APP: variants seen among roughly 807,000 people sequenced by gnomAD.
APP encodes the protein amyloid beta precursor protein.
In APP, 31 loss-of-function variants were observed where a neutral mutation model predicts 101.4. The observed-to-expected ratio is 0.31, with a 90% CI of 0.23 to 0.41. The LOEUF is 0.41. APP is among the 10% of genes least tolerant of loss of function. The pLI is 1.00. For synonymous variants in APP, 366 were observed against 364.4 expected, an observed-to-expected ratio of 1.00 and a Z score of -0.05; for missense variants, 839 against 1,003.7, an observed-to-expected ratio of 0.84 and a Z score of 2.22.
At chr21:25,960,292 A>G (rs376513414) in intron 11 of APP, among the ~76,000 whole-genome samples, 2 of 152,110 alleles carry the variant, frequency 1.3e-5, no homozygotes, top group African/African-American at 4.8e-5. Flanking sequence ...TGCTGGGGTG[A>G]TTACTCTTAT....
intron 1 of APP, among the ~76,000 whole-genome samples, chr21:26,161,856 C>CTAAG (rs2063497446): frequency 6.6e-6 from 1 of 151,916 alleles, no homozygotes; most frequent in African/African-American, 2.4e-5. Flanking sequence ...AAGACTTAAG[C>CTAAG]TAAGACTTCA....
intron 14 of APP, 35 bp downstream of exon 14, chr21:25,911,706 C>A (rs760049469): frequency 6.3e-7 from 1 of 1,590,884 alleles, no homozygotes; most frequent in Non-Finnish European, 8.6e-7. Context: ...ATATATACCT[C>A]CCAGAACGCC....
At chr21:25,996,708 A>C (rs1368101285) in intron 8 of APP, among the ~76,000 whole-genome samples, 1 of 152,202 alleles carries the variant, frequency 6.6e-6, no homozygotes, top group Non-Finnish European at 1.5e-5. Flanking sequence ...CCTCATCAGG[A>C]GATCACCTCA....
chr21:25,936,284 G>GT (rs11407443), intron 13 of APP, among the ~76,000 whole-genome samples: 152,330 of 152,338 alleles, frequency 1, 76,161 homozygotes, highest in Middle Eastern at 1. Flanking sequence ...GCCGGGTGCG[G>GT]GGCTCACGCC....
chr21:25,964,452 G>A (rs192809421), intron 11 of APP, among the ~76,000 whole-genome samples: 3 of 152,184 alleles, frequency 2.0e-5, no homozygotes, highest in East Asian at 3.9e-4. Context: ...ATTTGCAGAC[G>A]GAATAGGAGG....
intron 5 of APP, among the ~76,000 whole-genome samples, chr21:26,023,358 T>C (rs371766204): frequency 5.6e-5 from 8 of 141,740 alleles, no homozygotes; most frequent in African/African-American, 1.6e-4. Context: ...GGTGAGACCC[T>C]GTCTCCAAAA....
intron 1 of APP, among the ~76,000 whole-genome samples, chr21:26,144,560 A>T (rs2063116320): frequency 6.6e-6 from 1 of 152,208 alleles, no homozygotes; most frequent in Non-Finnish European, 1.5e-5. Context: ...GGCTACACTC[A>T]ATCTTAAATT....
chr21:26,166,930 GT>G (rs1475888848), intron 1 of APP, among the ~76,000 whole-genome samples: 737 of 54,020 alleles, frequency 0.014, 8 homozygotes, highest in African/African-American at 0.11. Flanking sequence ...GACAGAGGGT[GT>G]GTGTGTGTGT....
chr21:26,102,744 A>G (rs775017799), intron 2 of APP, among the ~76,000 whole-genome samples: 4 of 151,734 alleles, frequency 2.6e-5, no homozygotes, highest in Admixed American at 2.6e-4. Context: ...TACAAAAATT[A>G]TCTGAGAATG....
chr21:26,142,921 C>A (rs2830089), intron 1 of APP, among the ~76,000 whole-genome samples: 1 of 151,968 alleles, frequency 6.6e-6, no homozygotes, highest in African/African-American at 2.4e-5. Context: ...AAAAGATGTC[C>A]AATTTTTAAA....
intron 2 of APP, among the ~76,000 whole-genome samples, chr21:26,100,330 T>C (rs1242738979): frequency 2.0e-5 from 3 of 152,184 alleles, no homozygotes. Flanking sequence ...ATTCAAAAAC[T>C]GTCTCACTCA....
chr21:25,914,445 C>T (rs1187898077), intron 13 of APP, among the ~76,000 whole-genome samples: 2 of 151,764 alleles, frequency 1.3e-5, no homozygotes, highest in African/African-American at 2.4e-5. Context: ...GAATGGACTA[C>T]TGCCTTCTAA....
chr21:25,980,333 G>A (rs1022750582), intron 9 of APP, among the ~76,000 whole-genome samples: 11 of 152,344 alleles, frequency 7.2e-5, no homozygotes, highest in Admixed American at 6.5e-4. Flanking sequence ...GGAAGCCTCT[G>A]AAAGCTTCAT....
intron 11 of APP, among the ~76,000 whole-genome samples, chr21:25,972,796 T>C (rs966088055): frequency 2.0e-5 from 3 of 151,488 alleles, no homozygotes; most frequent in Non-Finnish European, 2.9e-5. Context: ...GATGACTTCA[T>C]GGGTAAACAT....
intron 1 of APP, among the ~76,000 whole-genome samples, chr21:26,138,756 G>A (rs763370685): frequency 3.3e-5 from 5 of 152,058 alleles, no homozygotes; most frequent in Non-Finnish European, 7.4e-5. Flanking sequence ...TATTCTGTTG[G>A]TGGATAGTTT....
At chr21:26,059,886 G>A (rs1356502174) in intron 3 of APP, among the ~76,000 whole-genome samples, 1 of 83,214 alleles carries the variant, frequency 1.2e-5, no homozygotes, top group East Asian at 5.7e-4. Context: ...GCGAGACTCC[G>A]TCTCAAAAAA....
intron 5 of APP, among the ~76,000 whole-genome samples, chr21:26,024,250 C>T (rs1008235327): frequency 2.0e-5 from 3 of 151,484 alleles, no homozygotes; most frequent in African/African-American, 4.9e-5. Context: ...CAGGTCTATT[C>T]GAGAAGTACC....
At chr21:26,031,099 G>A (rs1457655759) in intron 5 of APP, among the ~76,000 whole-genome samples, 3 of 151,818 alleles carry the variant, frequency 2.0e-5, no homozygotes, top group Non-Finnish European at 2.9e-5. Context: ...GTAGTTGGCC[G>A]GGCTGTTGCA....
chr21:26,136,949 GT>G (rs2062932108), intron 1 of APP, among the ~76,000 whole-genome samples: 1 of 152,140 alleles, frequency 6.6e-6, no homozygotes. Context: ...CTGGAGTGCA[GT>G]GGCGCGATCT....
Sources: gnomAD v4.1 joint callset for allele counts (sites outside exome capture counted in the v4.1 genomes callset) on GRCh38, gnomAD v4.1.1 for gene constraint, MANE v1.5 for transcripts, NCBI Gene and HGNC (gene_info 2026-07-23, HGNC 2026-07-21) for gene names.